CRYBG2: variants seen among roughly 807,000 people sequenced by gnomAD.
CRYBG2 encodes the protein crystallin beta-gamma domain containing 2, also known as beta/gamma crystallin domain-containing protein 2.
In CRYBG2, 106 loss-of-function variants were observed where a neutral mutation model predicts 153.4. The observed-to-expected ratio is 0.69, with a 90% CI of 0.59 to 0.81. The LOEUF is 0.81. Among genes scored for constraint, CRYBG2 ranks in the 30% least tolerant of loss-of-function variants. CRYBG2 has a pLI of 0.00. For synonymous variants in CRYBG2, 851 were observed against 877.8 expected (o/e 0.97, Z 0.54); for missense variants, 1,996 against 2,112.0 (o/e 0.95, Z 1.08).
chr1:26,329,480 T>A (rs1308702708), intron 15 of CRYBG2, among the ~76,000 whole-genome samples: 3 of 20,896 alleles, frequency 1.4e-4, no homozygotes, highest in African/African-American at 6.3e-4. Flanking sequence ...GCAGCTTAGA[T>A]TTTTTTTTTT....
intron 19 of CRYBG2, 43 bp from the exon 20 acceptor site, chr1:26,322,099 G>A: frequency 6.3e-7 from 1 of 1,598,824 alleles, no homozygotes. Flanking sequence ...GATAGTCAGA[G>A]AGAGCTGGGA....
rs757607022 is a variant in CRYBG2 at position 26,339,280 on chromosome 1, C to T, written c.3344+10G>A. On this transcript the variant is annotated intron_variant, in intron 6 of 19. Coordinates refer to ENST00000308182, the MANE Select transcript of CRYBG2 (RefSeq NM_001039775.4). ...TCAAATGAGGGGATTCTAGAATAGA[C>T]CAGACTCACAGTCCTGCAGAGACGG... The T allele has an allele frequency of 4.4e-5, 71 of 1,610,770 alleles. No individual in the cohort carries two copies. The highest frequency in any genetic ancestry group is 6.6e-5 in the South Asian group (6 of 90,622).
At chr1:26,350,196 T>G (rs1037471885) in intron 1 of CRYBG2, among the ~76,000 whole-genome samples, 1 of 152,104 alleles carries the variant, frequency 6.6e-6, no homozygotes, top group African/African-American at 2.4e-5. Flanking sequence ...CTGAGCCCCC[T>G]CGGGACTCTG....
chr1:26,327,463 G>A (rs1386149259), intron 17 of CRYBG2, among the ~76,000 whole-genome samples: 10 of 134,246 alleles, frequency 7.4e-5, no homozygotes, highest in Admixed American at 3.9e-4. Flanking sequence ...GCGAGATTCC[G>A]TCTCAAAAAA....
At chr1:26,333,566 CAA>C (rs751282709) in intron 14 of CRYBG2, among the ~76,000 whole-genome samples, 2 of 130,320 alleles carry the variant, frequency 1.5e-5, no homozygotes, top group Non-Finnish European at 1.7e-5. Context: ...AACTCCACCT[CAA>C]AAAAAAAAAA....
At position 26,343,615 on chromosome 1, in the gene CRYBG2, A is replaced by T. The variant is rs527601942; in HGVS notation, c.2913+130T>A. 1 of 1,230,194 alleles carries T rather than the reference A, an allele frequency of 8.1e-7. No homozygotes were observed. Among genetic ancestry groups the T allele is most frequent in the East Asian group, 2.6e-5 (1 of 38,946 alleles). The allele number at this position is 1,230,194 out of a possible 1,614,324, so 76.2% of individuals were successfully genotyped here. Reference sequence around the variant, plus strand: ...AGAGAGATGTGGCTTGCACAGGTCAACTGAACCAGACTTCAGACAGAAGCC... The same window carrying T: ...AGAGAGATGTGGCTTGCACAGGTCATCTGAACCAGACTTCAGACAGAAGCC... On this transcript the variant is annotated intron_variant, in intron 2 of 19. Coordinates refer to ENST00000308182, the MANE Select transcript of CRYBG2 (RefSeq NM_001039775.4). The surrounding 1 kb of genome is among the most constrained non-coding windows in gnomAD (Gnocchi z 4.1).
At chr1:26,341,369 A>T (rs1334378203) in intron 5 of CRYBG2, among the ~76,000 whole-genome samples, 1 of 152,012 alleles carries the variant, frequency 6.6e-6, no homozygotes, top group Non-Finnish European at 1.5e-5. Flanking sequence ...CAAACAAACC[A>T]AAAGAACCAA....
At chr1:26,342,691 T>G (rs2074145288) in intron 5 of CRYBG2, 63 bp downstream of exon 5, 1 of 1,584,426 alleles carries the variant, frequency 6.3e-7, no homozygotes, top group African/African-American at 1.3e-5. Context: ...GAGTCACTGC[T>G]CCTGGCCTCG....
At chr1:26,342,368 T>A (rs2074141313) in intron 5 of CRYBG2, among the ~76,000 whole-genome samples, 1 of 152,120 alleles carries the variant, frequency 6.6e-6, no homozygotes, top group African/African-American at 2.4e-5. Context: ...CAGTCCACAT[T>A]AAGCCCCTCT....
chr1:26,337,696 G>T, intron 8 of CRYBG2, 22 bp from the exon 9 acceptor site: 1 of 1,606,624 alleles, frequency 6.2e-7, no homozygotes, highest in East Asian at 2.2e-5. Context: ...GGGCTGTCAG[G>T]AGTCATCTGG....
chr1:26,345,472 G>T lies in CRYBG2; in HGVS notation c.1186C>A (p.Pro396Thr), dbSNP rs542477566. 2 of 1,593,260 alleles carry T rather than the reference G, an allele frequency of 1.3e-6. No homozygotes were observed. The highest frequency in any genetic ancestry group is 1.3e-5 in the African/African-American group (1 of 74,504). Residue 396 changes from proline (P) to threonine (T), a missense_variant, in exon 2 of 20, where the codon CCC (proline) becomes ACC (threonine). Physicochemically the swap from Pro to Thr is conservative, Grantham distance 38. Transcript: ENST00000308182. ...LVLPPKKKDG[P>T]VDPPAATVLP... ...ACGGTGGCAGCAGGGGGGTCCACGGGCCCGTCCTTTTTTTTAGGGGGCAGA... is the reference window on the plus strand; with the variant it reads ...ACGGTGGCAGCAGGGGGGTCCACGGTCCCGTCCTTTTTTTTAGGGGGCAGA...
At position 26,322,247 on chromosome 1, in the gene CRYBG2, C is replaced by T. The variant is rs761318320; in HGVS notation, c.4814G>A (p.Arg1605His). ...GSKVVLWAES[R>H]LPRQTWSISE... is the part of the protein sequence containing the mutation. ...GATGCTCCACGTCTGGCGCGGCAGG[C>T]GGCTCTCGGCCCACAGCACCACCTT... The change falls in exon 19 of 20, where the codon CGC becomes CAC. Residue 1605 changes from arginine (R) to histidine (H), a missense_variant. Physicochemically the swap from Arg to His is conservative, Grantham distance 29. Coordinates refer to ENST00000308182, the MANE Select transcript of CRYBG2 (RefSeq NM_001039775.4). The T allele has an allele frequency of 2.8e-5, 45 of 1,613,930 alleles. No homozygotes were observed. Among genetic ancestry groups the T allele is most frequent in the African/African-American group, 6.7e-5 (5 of 74,930 alleles).
chr1:26,333,332 G>A (rs937924008), intron 14 of CRYBG2, among the ~76,000 whole-genome samples: 5 of 152,098 alleles, frequency 3.3e-5, no homozygotes, highest in African/African-American at 4.8e-5. Flanking sequence ...TTGGGAGGGC[G>A]AGGTGGGCGG....
Position 26,344,502 on chromosome 1 carries a change from G to A in CRYBG2, c.2156C>T (p.Pro719Leu). 2 of 1,546,726 alleles carry A rather than the reference G, an allele frequency of 1.3e-6. No individual in the cohort carries two copies. Among genetic ancestry groups the A allele is most frequent in the South Asian group, 1.2e-5 (1 of 83,756 alleles). Residue 719 changes from proline to leucine, a missense_variant, in exon 2 of 20, where the codon CCA (proline) becomes CTA (leucine). Pro to Leu is a moderately conservative substitution (Grantham distance 98, BLOSUM62 -3). Transcript: ENST00000308182. ...SSSVDRVSPSPGGTPAPVPTG... is the reference protein window; with the variant it reads ...SSSVDRVSPSLGGTPAPVPTG... ...TGGCACTGGGGCAGGGGTGCCTCCT[G>A]GGCTGGGGGACACCCTGTCCACTGA...
rs139367549 is a variant in CRYBG2, at chr1:26,325,279, C to T, written c.4579-969G>A. On this transcript the variant is annotated intron_variant, in intron 17 of 19. Coordinates refer to ENST00000308182, the MANE Select transcript of CRYBG2 (RefSeq NM_001039775.4). This position sits in a 1 kb window ranked among gnomAD's most constrained non-coding sequence, Gnocchi z 4.1. ...GCGCAGTCATAAATGCAATCCCGGC[C>T]GGGCGCGGAGGCTCACGCCTGTAAT... Among the ~76,000 whole-genome samples, 413 of 152,298 alleles carry T rather than the reference C, an allele frequency of 2.7e-3. 16 individuals are homozygous for T. The East Asian group carries it at 0.068, about 25-fold the overall frequency.
At position 26,337,377 on chromosome 1, in the gene CRYBG2, C is replaced by A. The variant is rs1340535243; in HGVS notation, c.3647G>T (p.Trp1216Leu). The A allele has an allele frequency of 6.2e-7, 1 of 1,613,310 alleles. No individual in the cohort carries two copies. The highest frequency in any genetic ancestry group is 8.5e-7 in the Non-Finnish European group (1 of 1,179,578). ...GAAGCCCTCCTTCTCGTAGCCCACC[C>A]AGCTGGGAAAAGCAGGAGGACAGAC... ...VGSLRVLGGC[W>L]VGYEKEGFRG... Residue 1216 changes from tryptophan (W) to leucine (L), a missense_variant and splice_region_variant, in exon 10 of 20, where the codon TGG (tryptophan) becomes TTG (leucine). Physicochemically the swap from Trp to Leu is moderately conservative, Grantham distance 61. Transcript: ENST00000308182.
chr1:26,344,898 C>T lies in CRYBG2; in HGVS notation c.1760G>A (p.Gly587Asp), dbSNP rs866880588. 2.4e-4 allele frequency: 365 copies of T among 1,534,338 alleles called. No individual in the cohort carries two copies. The highest frequency in any genetic ancestry group is 3.0e-4 in the Non-Finnish European group (345 of 1,147,502). Residue 587 changes from glycine (G) to aspartate (D), a missense_variant, in exon 2 of 20, where the codon GGT (glycine) becomes GAT (aspartate). Transcript: ENST00000308182. ...GGTGGGCGATGAGGCAGCAGGAGCA[C>T]CAGGGCCCTTCACAACCTCTTTTGG... The part of the protein sequence containing the change: ...TTPKEVVKGP[G>D]APAASSPTQK...
At chr1:26,324,892 A>G (rs1400425067) in intron 17 of CRYBG2, 1 of 152,242 alleles carries the variant, frequency 6.6e-6, no homozygotes, top group Non-Finnish European at 1.5e-5. Flanking sequence ...AGCAAAAGTA[A>G]TAATAGTAAT....
In CRYBG2 at chr1:26,336,119, T is replaced by C. The variant is rs2074050584; in HGVS notation, c.4160A>G (p.Gln1387Arg). ...CCTGCCGCCGTGGACCCGGCAGGAC[T>C]GAGGTCGGAAGGAGGCGGGCAGAGC... ...QAALPASFRP[Q>R]SCRVHGGSWI... Residue 1387 changes from glutamine (Q) to arginine (R), a missense_variant, in exon 14 of 20, where the codon CAG becomes CGG. Gln to Arg is a conservative substitution (Grantham distance 43). Transcript: ENST00000308182. The surrounding 1 kb of genome is among the most constrained non-coding windows in gnomAD (Gnocchi z 4.9). 1 of 1,510,730 alleles carries C rather than the reference T, an allele frequency of 6.6e-7. No homozygotes were observed. The highest frequency in any genetic ancestry group is 8.9e-7 in the Non-Finnish European group (1 of 1,121,854). The allele number at this position is 1,510,730 out of a possible 1,614,324, so 93.6% of individuals were successfully genotyped here. A position where few individuals can be genotyped will look rare whatever the true frequency, so the allele number is the denominator to read the frequency against.
Sources: gnomAD v4.1 joint callset for allele counts (sites outside exome capture counted in the v4.1 genomes callset) on GRCh38, gnomAD v4.1.1 for gene constraint, Gnocchi (gnomAD v3.1) non-coding constraint, MANE v1.5 for transcripts, NCBI Gene and HGNC (gene_info 2026-07-23, HGNC 2026-07-21) for gene names.